Variants in BAIAP2 observed in about 807,000 individuals in gnomAD.
BAIAP2 encodes the protein BAR/IMD domain-containing adapter protein 2.
Under a neutral mutation model 63.0 loss-of-function variants are expected in BAIAP2, and 18 were observed. That is an observed-to-expected ratio of 0.29 (90% confidence interval 0.20 to 0.42). The LOEUF is 0.42. Among genes scored for constraint, BAIAP2 ranks in the 10% least tolerant of loss-of-function variants. The pLI, the probability that BAIAP2 is intolerant of heterozygous loss-of-function variation, is 1.00. For synonymous variants in BAIAP2, 386 were observed against 307.6 expected (o/e 1.25, Z -2.67); for missense variants, 610 against 734.3 (o/e 0.83, Z 1.96).
intron 6 of BAIAP2, among the ~76,000 whole-genome samples, chr17:81,096,914 C>G (rs7221519): frequency 6.6e-6 from 1 of 152,118 alleles, no homozygotes; most frequent in Admixed American, 6.5e-5. Flanking sequence ...AAGTACTTCG[C>G]GCTCCAGCTG....
intron 9 of BAIAP2, 69 bp from the exon 10 acceptor site, chr17:81,104,445 C>A: frequency 4.0e-6 from 6 of 1,498,238 alleles, no homozygotes; most frequent in Non-Finnish European, 5.4e-6. Context: ...AGCACCTCAA[C>A]CAGACTCCCT....
chr17:81,044,661 G>T (rs1273462003), intron 1 of BAIAP2, among the ~76,000 whole-genome samples: 1 of 152,216 alleles, frequency 6.6e-6, no homozygotes, highest in Non-Finnish European at 1.5e-5. Flanking sequence ...TGCTGGAGGG[G>T]CCGAGTCTCC....
At chr17:81,094,075 A>C (rs975815351) in intron 6 of BAIAP2, among the ~76,000 whole-genome samples, 1 of 152,110 alleles carries the variant, frequency 6.6e-6, no homozygotes, top group Admixed American at 6.5e-5. Context: ...TCCGCAGCTG[A>C]CACAGGGACC....
chr17:81,077,173 C>T (rs1206232577), intron 3 of BAIAP2, among the ~76,000 whole-genome samples: 3 of 152,102 alleles, frequency 2.0e-5, no homozygotes, highest in East Asian at 1.9e-4. Flanking sequence ...GGTTTCTCTT[C>T]GGGGTGATGA....
intron 13 of BAIAP2, among the ~76,000 whole-genome samples, chr17:81,113,403 T>G (rs2060135195): frequency 6.6e-6 from 1 of 152,224 alleles, no homozygotes; most frequent in African/African-American, 2.4e-5. Flanking sequence ...GTGGTGACCT[T>G]GCAGTGGCCT....
chr17:81,110,120 G>A (rs890122057), intron 13 of BAIAP2: 12 of 985,326 alleles, frequency 1.2e-5, no homozygotes, highest in Middle Eastern at 5.2e-4. Context: ...CAGCCTGCCC[G>A]CTGGTGGGAG....
intron 1 of BAIAP2, among the ~76,000 whole-genome samples, chr17:81,050,726 A>C (rs146511686): frequency 5.8e-5 from 1 of 17,174 alleles, no homozygotes; most frequent in Admixed American, 4.2e-4. Context: ...CACGCACACA[A>C]ATGTGCACAT....
At chr17:81,104,799 C>T (rs538321628) in intron 10 of BAIAP2, 84 bp downstream of exon 10, 18 of 1,393,560 alleles carry the variant, frequency 1.3e-5, no homozygotes, top group Non-Finnish European at 1.6e-5. Context: ...GCACTGAGAC[C>T]TTGTGTTTAG....
chr17:81,090,097 G>C (rs2145463900), intron 6 of BAIAP2, among the ~76,000 whole-genome samples: 1 of 152,242 alleles, frequency 6.6e-6, no homozygotes, highest in Admixed American at 6.5e-5. Context: ...CCTGTGGGTG[G>C]CCCCAGGCTG....
rs1400856259 is a variant in BAIAP2 at position 81,035,327 on chromosome 17, C to T, written c.54+19C>T. 2 of 1,397,774 alleles carry T rather than the reference C, an allele frequency of 1.4e-6. No individual in the cohort carries two copies. The highest frequency in any genetic ancestry group is 1.5e-5 in the South Asian group (1 of 68,870). The allele number at this position is 1,397,774 out of a possible 1,614,324, so 86.6% of individuals were successfully genotyped here. ...CTATAAGGTGAGCGCCCCCCGGCGC[C>T]GAGCTGAGCCCGCTCCGTGTGCGCC... is the stretch of plus-strand genomic sequence containing the variant. On this transcript the variant is annotated intron_variant, in intron 1 of 13. Coordinates refer to ENST00000428708, the MANE Select transcript of BAIAP2 (RefSeq NM_001144888.2).
chr17:81,048,384 T>C (rs985914092), intron 1 of BAIAP2, among the ~76,000 whole-genome samples: 12 of 141,302 alleles, frequency 8.5e-5, no homozygotes, highest in African/African-American at 2.9e-4. Flanking sequence ...AAAAAAAGAA[T>C]TCCTGAGCAG....
At position 81,105,456 on chromosome 17, in the gene BAIAP2, G is replaced by A. The variant is rs531699096; in HGVS notation, c.1269-622G>A. ...CTTTCAGCTCTTCCACATGCCAGAC[G>A]GGCTCTCCAGTTTGGAGTTCTAGAA... is the stretch of plus-strand genomic sequence containing the variant. On this transcript the variant is annotated intron_variant, in intron 10 of 13. Coordinates refer to ENST00000428708, the MANE Select transcript of BAIAP2 (RefSeq NM_001144888.2). 7 of 153,496 alleles carry A rather than the reference G, an allele frequency of 4.6e-5. No individual in the cohort carries two copies. The South Asian group carries it at 1.4e-3, about 31-fold the overall frequency. 9.5% of individuals were successfully genotyped at this position (153,496 alleles called of 1,614,324 possible). A position where few individuals can be genotyped will look rare whatever the true frequency, so the allele number is the denominator to read the frequency against.
At chr17:81,065,444 C>T (rs1209650023) in intron 3 of BAIAP2, among the ~76,000 whole-genome samples, 2 of 152,200 alleles carry the variant, frequency 1.3e-5, no homozygotes, top group Non-Finnish European at 2.9e-5. Context: ...TGTGGAGACC[C>T]AAGGGTGGAG....
At chr17:81,059,580 G>A (rs1273399256) in intron 3 of BAIAP2, among the ~76,000 whole-genome samples, 2 of 152,232 alleles carry the variant, frequency 1.3e-5, no homozygotes, top group Admixed American at 1.3e-4. Flanking sequence ...TAGTAGCTGG[G>A]ACCACAGGCG....
chr17:81,074,006 G>A (rs35297307), intron 3 of BAIAP2, among the ~76,000 whole-genome samples: 24,861 of 152,230 alleles, frequency 0.16, 2,174 homozygotes, highest in Middle Eastern at 0.33. Flanking sequence ...CTAAAGCCAC[G>A]TGCCAACGCA....
chr17:81,083,186 G>A (rs1025132132), intron 3 of BAIAP2: 1 of 152,378 alleles, frequency 6.6e-6, no homozygotes, highest in Admixed American at 6.5e-5. Context: ...GCCTTGCTCT[G>A]GTTTCTGGCT....
At chr17:81,070,023 G>A (rs751453714) in intron 3 of BAIAP2, among the ~76,000 whole-genome samples, 16 of 152,076 alleles carry the variant, frequency 1.1e-4, no homozygotes, top group East Asian at 3.9e-4. Flanking sequence ...GTGTGGTGGC[G>A]CAGTCATACA....
chr17:81,042,119 CT>C (rs898848285), intron 1 of BAIAP2, among the ~76,000 whole-genome samples: 16 of 141,656 alleles, frequency 1.1e-4, no homozygotes, highest in East Asian at 4.1e-4. Flanking sequence ...GTTACTGGCA[CT>C]TTTTTTTTTC....
rs150824626 is a variant in BAIAP2 at position 81,060,520 on chromosome 17, G to A, written c.217+2553G>A. Among the ~76,000 whole-genome samples the A allele has an allele frequency of 2.0e-5, 3 of 152,288 alleles. No individual in the cohort carries two copies. The East Asian group carries it at 5.8e-4, about 29-fold the overall frequency. ...TCCCTCTGTGCTATAGCCCGTGTCA[G>A]GGCTTCATTCCTGTTTGTGGCTGAA... On this transcript the variant is annotated intron_variant, in intron 3 of 13. Coordinates refer to ENST00000428708, the MANE Select transcript of BAIAP2 (RefSeq NM_001144888.2).
Sources: gnomAD v4.1 joint callset for allele counts (sites outside exome capture counted in the v4.1 genomes callset) on GRCh38, gnomAD v4.1.1 for gene constraint, MANE v1.5 for transcripts, NCBI Gene and HGNC (gene_info 2026-07-23, HGNC 2026-07-21) for gene names.